The following AHDC1 variants were observed in gnomAD, a reference collection of about 807,000 sequenced individuals.
AHDC1 encodes AT-hook DNA binding motif containing 1.
AHDC1 carries 7 observed loss-of-function variants against 87.9 expected under a neutral mutation model. That is an observed-to-expected ratio of 0.08 (90% confidence interval 0.05 to 0.15). The LOEUF is 0.15. AHDC1 is among the 10% of genes least tolerant of loss of function. The pLI is 1.00. For missense variants in AHDC1, 1,841 were observed against 2,253.2 expected, an observed-to-expected ratio of 0.82 and a Z score of 3.70; for synonymous variants, 1,051 against 1,006.8, an observed-to-expected ratio of 1.04 and a Z score of -0.83.
rs1482423067 is a variant in AHDC1, at chr1:27,552,121, C to T, written c.-6G>A. 1.4e-5 allele frequency: 20 copies of T among 1,444,872 alleles called. No individual in the cohort carries two copies. Among genetic ancestry groups the T allele is most frequent in the Non-Finnish European group, 1.7e-5 (19 of 1,099,110 alleles). The allele number at this position is 1,444,872 out of a possible 1,614,324, so 89.5% of individuals were successfully genotyped here. A position where few individuals can be genotyped will look rare whatever the true frequency, so the allele number is the denominator to read the frequency against. On this transcript the variant is annotated 5_prime_UTR_variant, in exon 8 of 9. Coordinates refer to ENST00000673934, the MANE Select transcript of AHDC1 (RefSeq NM_001371928.1). The stretch of plus-strand genomic sequence containing the variant: ...CCCTGGGGCTTCACACGCATCCTGA[C>T]CTTGTCCTCCGCAGGCCGCCGGGCG...
rs755512090 is a variant in AHDC1 at position 27,548,372 on chromosome 1, G to A, written c.3744C>T (p.Gly1248=). 2 of 1,607,374 alleles carry A rather than the reference G, an allele frequency of 1.2e-6. No individual in the cohort carries two copies. Among genetic ancestry groups the A allele is most frequent in the African/African-American group, 2.7e-5 (2 of 74,830 alleles). ...KVDLFEASHL[G]FPTSASAAAS... is the part of the protein sequence containing the mutation. ...CAGCGGCAGAGGCGGATGTCGGGAA[G>A]CCCAGATGTGAGGCCTCGAACAGGT... Residue 1248 remains glycine, a synonymous_variant, in exon 8 of 9, where the codon GGC becomes GGT. Transcript: ENST00000673934.
chr1:27,583,335 C>T (rs940711980), intron 3 of AHDC1, among the ~76,000 whole-genome samples: 4 of 152,184 alleles, frequency 2.6e-5, no homozygotes, highest in African/African-American at 7.2e-5. Flanking sequence ...TGCTGGTGCC[C>T]GGCACCCTGC....
chr1:27,550,749 G>A lies in AHDC1; in HGVS notation c.1367C>T (p.Ser456Phe). Residue 456 changes from serine to phenylalanine, a missense_variant, in exon 8 of 9, where the codon TCC becomes TTC. Ser to Phe is a radical substitution (Grantham distance 155). Coordinates refer to ENST00000673934, the MANE Select transcript of AHDC1 (RefSeq NM_001371928.1). ...GCGGGTAGAGACCACTGGGGTCTGG[G>A]AAGATTCCGGCTTCAACTCTGGGAC... is the stretch of plus-strand genomic sequence containing the variant. ...VSVPELKPES[S>F]QTPVVSTRKG... 6.3e-7 allele frequency: 1 copy of A among 1,580,322 alleles called. No individual in the cohort carries two copies. Among genetic ancestry groups the A allele is most frequent in the Admixed American group, 1.8e-5 (1 of 54,086 alleles).
intron 8 of AHDC1, among the ~76,000 whole-genome samples, chr1:27,538,701 G>C (rs1275668294): frequency 6.6e-6 from 1 of 152,018 alleles, no homozygotes; most frequent in Non-Finnish European, 1.5e-5. Flanking sequence ...TTTTTGAAAA[G>C]ACAAGGTTCC....
At chr1:27,535,186 T>C (rs1203921098) in intron 8 of AHDC1, among the ~76,000 whole-genome samples, 1 of 152,094 alleles carries the variant, frequency 6.6e-6, no homozygotes, top group East Asian at 1.9e-4. Flanking sequence ...GGCAGTGGAA[T>C]TTGTTAAGAG....
chr1:27,548,321 G>A lies in AHDC1; in HGVS notation c.3795C>T (p.Ser1265=), dbSNP rs748565924. 7.5e-6 allele frequency: 12 copies of A among 1,606,754 alleles called. No homozygotes were observed. Among genetic ancestry groups the A allele is most frequent in the Middle Eastern group, 1.6e-4 (1 of 6,066 alleles). Residue 1265 remains serine, a synonymous_variant, in exon 8 of 9, where the codon AGC becomes AGT. Transcript: ENST00000673934. The part of the protein sequence containing the change: ...AAASGYPSKR[S]TGPRQPRGGR... ...CACCTCGCGGCTGCCGGGGCCCAGT[G>A]CTCCGTTTGGATGGGTAGCCTGAGG...
chr1:27,567,814 T>C (rs552495386), intron 3 of AHDC1, among the ~76,000 whole-genome samples: 1 of 152,214 alleles, frequency 6.6e-6, no homozygotes, highest in East Asian at 1.9e-4. Context: ...TCACAGAAGT[T>C]GGGGTTCTCG....
intron 3 of AHDC1, among the ~76,000 whole-genome samples, chr1:27,571,773 A>G (rs1365557790): frequency 6.6e-6 from 1 of 151,964 alleles, no homozygotes; most frequent in African/African-American, 2.4e-5. Context: ...GCTGGCAGAA[A>G]ACAAACCCGC....
chr1:27,561,040 G>C lies in AHDC1; in HGVS notation c.-628-2157C>G, dbSNP rs956986965. ...GACAATTTATCCACAGGCAGAGAAG[G>C]AGAATTCCAACCTGCCAGAGCCTCC... On this transcript the variant is annotated intron_variant, in intron 3 of 8. Coordinates refer to ENST00000673934, the MANE Select transcript of AHDC1 (RefSeq NM_001371928.1). This position sits in a 1 kb window ranked among gnomAD's most constrained non-coding sequence, Gnocchi z 4.2. 5.9e-5 allele frequency among the ~76,000 whole-genome samples: 9 copies of C among 152,110 alleles called. No homozygotes were observed. The highest frequency in any genetic ancestry group is 5.9e-4 in the Admixed American group (9 of 15,274).
chr1:27,548,828 G>C lies in AHDC1; in HGVS notation c.3288C>G (p.Pro1096=). 1 of 1,613,028 alleles carries C rather than the reference G, an allele frequency of 6.2e-7. No homozygotes were observed. The highest frequency in any genetic ancestry group is 8.5e-7 in the Non-Finnish European group (1 of 1,179,936). Residue 1096 remains proline (P), a synonymous_variant, in exon 8 of 9, where the codon CCC becomes CCG. Coordinates refer to ENST00000673934, the MANE Select transcript of AHDC1 (RefSeq NM_001371928.1). ...CCCCCGCAAACTGCCGACAGTTCTC[G>C]GGCGAGGGCTGGAAGGAGGAGGAGG... is the stretch of plus-strand genomic sequence containing the variant. ...SSSSSSFQPS[P]ENCRQFAGAS...
chr1:27,547,487 A>G lies in AHDC1; in HGVS notation c.4629T>C (p.Leu1543=). ...GCACGGGGGACAGGGTCAAGTCACT[A>G]AGGAGTGGGCAGCCATAGCCAGCAG... is the stretch of plus-strand genomic sequence containing the variant. ...AAAAGYGCPL[L]SDLTLSPVPR... is the part of the protein sequence containing the mutation. Residue 1543 remains leucine, a synonymous_variant, in exon 8 of 9, where the codon CTT becomes CTC. Coordinates refer to ENST00000673934, the MANE Select transcript of AHDC1 (RefSeq NM_001371928.1). The surrounding 1 kb of genome is among the most constrained non-coding windows in gnomAD (Gnocchi z 4.9). 1 of 1,604,480 alleles carries G rather than the reference A, an allele frequency of 6.2e-7. No individual in the cohort carries two copies. The highest frequency in any genetic ancestry group is 8.5e-7 in the Non-Finnish European group (1 of 1,173,462).
At chr1:27,589,259 A>G (rs2089155207) in intron 3 of AHDC1, among the ~76,000 whole-genome samples, 1 of 152,158 alleles carries the variant, frequency 6.6e-6, no homozygotes, top group African/African-American at 2.4e-5. Flanking sequence ...ATCTGTCCAC[A>G]GTAAAACCTC....
At position 27,565,416 on chromosome 1, in the gene AHDC1, G is replaced by C. The variant is rs2020274981; in HGVS notation, c.-628-6533C>G. ...GAGGGGCGAGAGAGGAAGGACAGAG[G>C]CCACTGCCCAGACTGGGAGGGCGGG... On this transcript the variant is annotated intron_variant, in intron 3 of 8. Transcript: ENST00000673934. The surrounding 1 kb of genome is among the most constrained non-coding windows in gnomAD (Gnocchi z 4.6). 6.6e-6 allele frequency among the ~76,000 whole-genome samples: 1 copy of C among 152,170 alleles called. No homozygotes were observed. Among genetic ancestry groups the C allele is most frequent in the Non-Finnish European group, 1.5e-5 (1 of 68,032 alleles).
chr1:27,576,311 T>TC (rs2088747383), intron 3 of AHDC1, among the ~76,000 whole-genome samples: 1 of 152,156 alleles, frequency 6.6e-6, no homozygotes, highest in African/African-American at 2.4e-5. Flanking sequence ...ATTGGGGGCC[T>TC]CCGTTTTCCT....
chr1:27,540,437 T>C (rs953228231), intron 8 of AHDC1, among the ~76,000 whole-genome samples: 5 of 148,142 alleles, frequency 3.4e-5, no homozygotes, highest in African/African-American at 5.0e-5. Context: ...GTCCCAGGCA[T>C]GATGAGACAC....
intron 8 of AHDC1, among the ~76,000 whole-genome samples, chr1:27,541,001 T>TA (rs55912405): frequency 0.059 from 4,261 of 72,346 alleles, 136 homozygotes; most frequent in Non-Finnish European, 0.083. Context: ...CTAAAAATGC[T>TA]AAAAAAAAAA....
chr1:27,547,028 C>A lies in AHDC1; in HGVS notation c.*43+233G>T, dbSNP rs1055183084. Among the ~76,000 whole-genome samples, 2 of 151,724 alleles carry A rather than the reference C, an allele frequency of 1.3e-5. No individual in the cohort carries two copies. The highest frequency in any genetic ancestry group is 2.9e-5 in the Non-Finnish European group (2 of 67,918). On this transcript the variant is annotated intron_variant, in intron 8 of 8. Transcript: ENST00000673934. The surrounding 1 kb of genome is among the most constrained non-coding windows in gnomAD (Gnocchi z 4.9). ...CCTCTGGCCATTTCAATTCACAAGA[C>A]CCCCCCGAACGTTCAAGCCCCCTGC...
chr1:27,550,903 C>T lies in AHDC1; in HGVS notation c.1213G>A (p.Ala405Thr). 6.3e-7 allele frequency: 1 copy of T among 1,595,058 alleles called. No individual in the cohort carries two copies. The highest frequency in any genetic ancestry group is 1.7e-4 in the Middle Eastern group (1 of 6,044). ...AGGCGGCCCTCGGGTCCGGCGTCTGCCTTGCGTCCCCGTCCGGCTTTCCGC... is the reference window on the plus strand; with the variant it reads ...AGGCGGCCCTCGGGTCCGGCGTCTGTCTTGCGTCCCCGTCCGGCTTTCCGC... ...RRRKAGRGRK[A>T]DAGPEGRLLP... The change falls in exon 8 of 9, where the codon GCA (alanine) becomes ACA (threonine). Residue 405 changes from alanine (A) to threonine (T), a missense_variant. Coordinates refer to ENST00000673934, the MANE Select transcript of AHDC1 (RefSeq NM_001371928.1).
In AHDC1 at chr1:27,580,291, G is replaced by C. The variant is rs4908342; in HGVS notation, c.-628-21408C>G. On this transcript the variant is annotated intron_variant, in intron 3 of 8. Transcript: ENST00000673934. The stretch of plus-strand genomic sequence containing the variant: ...TCCAGAGCAGGTCACTTAGCTGGGG[G>C]TCATGTGGGACAGATACCAAGCCCT... Among the ~76,000 whole-genome samples, 1,089 of 152,286 alleles carry C rather than the reference G, an allele frequency of 7.2e-3. 55 individuals are homozygous for C. Among genetic ancestry groups the C allele is most frequent in the Admixed American group, 0.064 (974 of 15,296 alleles).
Sources: allele counts gnomAD v4.1 joint callset (sites outside exome capture counted in the v4.1 genomes callset), GRCh38; gene constraint gnomAD v4.1.1; non-coding constraint Gnocchi (gnomAD v3.1); transcripts MANE v1.5; gene names NCBI Gene and HGNC (gene_info 2026-07-23, HGNC 2026-07-21).